The following PLCG1 variants were observed in gnomAD, a reference collection of about 807,000 sequenced individuals.
PLCG1 encodes 1-phosphatidylinositol 4,5-bisphosphate phosphodiesterase gamma-1.
PLCG1 carries 71 observed loss-of-function variants against 177.8 expected under a neutral mutation model. The observed-to-expected ratio is 0.40, with a 90% confidence interval of 0.33 to 0.49. The LOEUF (loss-of-function observed/expected upper bound fraction) is 0.49, where lower values mean the gene tolerates loss of function less well. PLCG1 is among the 20% of genes least tolerant of loss of function. The pLI, the probability that PLCG1 is intolerant of heterozygous loss-of-function variation, is 0.72. For synonymous variants in PLCG1, 658 were observed against 647.9 expected (o/e 1.02, Z -0.24); for missense variants, 1,281 against 1,709.0 (o/e 0.75, Z 4.42).
In PLCG1 at chr20:41,163,215, G is replaced by C; in HGVS notation, c.729G>C (p.Arg243=). 1 of 1,545,970 alleles carries C rather than the reference G, an allele frequency of 6.5e-7. No homozygotes were observed. The highest frequency in any genetic ancestry group is 8.7e-7 in the Non-Finnish European group (1 of 1,148,292). The change falls in exon 8 of 32, where the codon CGG becomes CGC. Residue 243 remains arginine (R), a synonymous_variant. Transcript: ENST00000685551. The surrounding 1 kb of genome is among the most constrained non-coding windows in gnomAD (Gnocchi z 5.2). Reference sequence around the variant, plus strand: ...TCTCTCCCTGCAGGGCTGGGGAGCGGCCGGAGCTTTGCCGAGTGTCCCTTC... The same window carrying C: ...TCTCTCCCTGCAGGGCTGGGGAGCGCCCGGAGCTTTGCCGAGTGTCCCTTC... ...LEASTLRAGE[R]PELCRVSLPE... is the part of the protein sequence containing the mutation.
chr20:41,153,845 G>A lies in PLCG1; in HGVS notation c.218-5761G>A, dbSNP rs35908783. Among the ~76,000 whole-genome samples the A allele has an allele frequency of 1.1e-3, 172 of 152,276 alleles. 1 individual carries two copies. The highest frequency in any genetic ancestry group is 1.9e-3 in the Non-Finnish European group (126 of 68,012). ...CCGGAGGCAGAGGTTGCAGTGAACC[G>A]AGATTGCACCACTGCACTCCAGCCT... On this transcript the variant is annotated intron_variant, in intron 1 of 31. Coordinates refer to ENST00000685551, the MANE Select transcript of PLCG1 (RefSeq NM_002660.3). This position sits in a 1 kb window ranked among gnomAD's most constrained non-coding sequence, Gnocchi z 5.1.
chr20:41,142,811 A>G (rs2034871233), intron 1 of PLCG1, among the ~76,000 whole-genome samples: 1 of 152,164 alleles, frequency 6.6e-6, no homozygotes, highest in Non-Finnish European at 1.5e-5. Context: ...TAGCACCTGT[A>G]TAAAGTGCTT....
Position 41,167,768 on chromosome 20 carries a change from AGG to A in PLCG1, c.2302-82_2302-81del, listed in dbSNP as rs908705082. ...GTGCAAGTTTGCTGCACTGGGGGAA[AGG>A]GAAGCTGCTCCAGAAACCAGTAGCT... On this transcript the variant is annotated intron_variant, in intron 19 of 31. Coordinates refer to ENST00000685551, the MANE Select transcript of PLCG1 (RefSeq NM_002660.3). The surrounding 1 kb of genome is among the most constrained non-coding windows in gnomAD (Gnocchi z 4.4). The A allele has an allele frequency of 4.1e-6, 4 of 966,596 alleles. No homozygotes were observed. In the African/African-American group the frequency reaches 6.4e-5, roughly 15 times the overall value. 59.9% of individuals were successfully genotyped at this position (966,596 alleles called of 1,614,324 possible).
chr20:41,150,681 A>G lies in PLCG1; in HGVS notation c.218-8925A>G, dbSNP rs34115001. On this transcript the variant is annotated intron_variant, in intron 1 of 31. Transcript: ENST00000685551. The surrounding 1 kb of genome is among the most constrained non-coding windows in gnomAD (Gnocchi z 4.0). Reference sequence around the variant, plus strand: ...GGCCATCTTCCCTCCCTTCTCATCCATGATACTCTGAATGCCCTGTTTGTG... The same window carrying G: ...GGCCATCTTCCCTCCCTTCTCATCCGTGATACTCTGAATGCCCTGTTTGTG... 0.013 allele frequency among the ~76,000 whole-genome samples: 1,943 copies of G among 152,186 alleles called. 22 individuals are homozygous for G. Among genetic ancestry groups the G allele is most frequent in the Non-Finnish European group, 0.02 (1,376 of 68,006 alleles).
rs1005710995 is a variant in PLCG1 at position 41,153,573 on chromosome 20, C to A, written c.218-6033C>A. On this transcript the variant is annotated intron_variant, in intron 1 of 31. Coordinates refer to ENST00000685551, the MANE Select transcript of PLCG1 (RefSeq NM_002660.3). The surrounding 1 kb of genome is among the most constrained non-coding windows in gnomAD (Gnocchi z 5.1). ...CTCAGCCTTCTAAAGTGAGCGTATG[C>A]ACTTTATAAAGGGAAAACCCTCTCT... Among the ~76,000 whole-genome samples, 2 of 152,230 alleles carry A rather than the reference C, an allele frequency of 1.3e-5. No individual in the cohort carries two copies. The highest frequency in any genetic ancestry group is 4.8e-5 in the African/African-American group (2 of 41,524).
intron 1 of PLCG1, among the ~76,000 whole-genome samples, chr20:41,152,689 G>A (rs2035202013): frequency 1.3e-5 from 2 of 152,246 alleles, no homozygotes; most frequent in Non-Finnish European, 2.9e-5. Flanking sequence ...CCCAGGCCCT[G>A]GGTTTGTGTT....
chr20:41,170,665 G>A (rs185633186), intron 24 of PLCG1: 6 of 172,176 alleles, frequency 3.5e-5, no homozygotes, highest in East Asian at 1.7e-4. Context: ...AGGCATGGGC[G>A]AGGAAAGGAG....
rs897639531 is a variant in PLCG1 at position 41,175,732 on chromosome 20, T to C, written c.*1223T>C. The C allele has an allele frequency of 1.3e-5, 2 of 152,674 alleles. No individual in the cohort carries two copies. Among genetic ancestry groups the C allele is most frequent in the Non-Finnish European group, 2.9e-5 (2 of 68,040 alleles). The allele number at this position is 152,674 out of a possible 1,614,324, so 9.5% of individuals were successfully genotyped here. ...CTCATGTCCTTTTTCCTTTGACTTG[T>C]ATGCTCTTTCGGGGGCTCAGGAAAG... On this transcript the variant is annotated 3_prime_UTR_variant, in exon 32 of 32. Transcript: ENST00000685551.
At chr20:41,162,255 T>TTC (rs397973255) in intron 4 of PLCG1, 197 bp from the exon 5 acceptor site, 1 of 265,004 alleles carries the variant, frequency 3.8e-6, no homozygotes, top group Non-Finnish European at 7.2e-6. Context: ...TTTTTTTTTT[T>TTC]GCTCAGATGA....
Position 41,169,438 on chromosome 20 carries a change from T to C in PLCG1, c.2581-19T>C. The C allele has an allele frequency of 6.2e-7, 1 of 1,600,864 alleles. No individual in the cohort carries two copies. The highest frequency in any genetic ancestry group is 8.6e-7 in the Non-Finnish European group (1 of 1,168,068). ...ATGCAGTAGCCATGCTGACCATTGG[T>C]GGGCTTTGCTTCCCACAGCACTTGG... On this transcript the variant is annotated intron_variant, in intron 22 of 31. Coordinates refer to ENST00000685551, the MANE Select transcript of PLCG1 (RefSeq NM_002660.3).
chr20:41,161,920 T>C lies in PLCG1; in HGVS notation c.513-532T>C, dbSNP rs377747145. On this transcript the variant is annotated intron_variant, in intron 4 of 31. Coordinates refer to ENST00000685551, the MANE Select transcript of PLCG1 (RefSeq NM_002660.3). ...CAGGAGGTGCCCAGTTGCCAGTCAT[T>C]GTATTTGGTGGAGCATGCACCTCCT... is the stretch of plus-strand genomic sequence containing the variant. Among the ~76,000 whole-genome samples the C allele has an allele frequency of 2.0e-5, 3 of 152,136 alleles. No individual in the cohort carries two copies. In the South Asian group the frequency reaches 6.2e-4, roughly 32 times the overall value.
At position 41,172,890 on chromosome 20, in the gene PLCG1, C is replaced by A; in HGVS notation, c.3279+13C>A. Reference sequence around the variant, plus strand: ...CATCTCTATTGAGGTGGGTGCTGCTCATCTGGGCTTCAGGGTAGGAAAGGG... The same window carrying A: ...CATCTCTATTGAGGTGGGTGCTGCTAATCTGGGCTTCAGGGTAGGAAAGGG... On this transcript the variant is annotated intron_variant, in intron 27 of 31. Coordinates refer to ENST00000685551, the MANE Select transcript of PLCG1 (RefSeq NM_002660.3). The surrounding 1 kb of genome is among the most constrained non-coding windows in gnomAD (Gnocchi z 7.0). 1 of 1,612,228 alleles carries A rather than the reference C, an allele frequency of 6.2e-7. No homozygotes were observed. The highest frequency in any genetic ancestry group is 8.5e-7 in the Non-Finnish European group (1 of 1,178,812).
chr20:41,137,875 C>T lies in PLCG1; in HGVS notation c.217+17C>T, dbSNP rs367553862. The T allele has an allele frequency of 3.3e-5, 41 of 1,249,076 alleles. No homozygotes were observed. The highest frequency in any genetic ancestry group is 4.1e-5 in the Non-Finnish European group (40 of 986,182). The allele number at this position is 1,249,076 out of a possible 1,614,324, so 77.4% of individuals were successfully genotyped here. On this transcript the variant is annotated intron_variant, in intron 1 of 31. Coordinates refer to ENST00000685551, the MANE Select transcript of PLCG1 (RefSeq NM_002660.3). This position sits in a 1 kb window ranked among gnomAD's most constrained non-coding sequence, Gnocchi z 7.3. ...AGGGGGCCAGTAAGTGCGCCCACTTCCTGCCTGGGCCCGCCCCGCGCGGGG... is the reference window on the plus strand; with the variant it reads ...AGGGGGCCAGTAAGTGCGCCCACTTTCTGCCTGGGCCCGCCCCGCGCGGGG...
At position 41,144,992 on chromosome 20, in the gene PLCG1, A is replaced by G. The variant is rs1388205052; in HGVS notation, c.217+7134A>G. On this transcript the variant is annotated intron_variant, in intron 1 of 31. Transcript: ENST00000685551. This position sits in a 1 kb window ranked among gnomAD's most constrained non-coding sequence, Gnocchi z 4.1. ...CAAGCACTGTGGAGACCAGTAGTGG[A>G]CATAAGGTTAGGGTAGATACAGCCA... Among the ~76,000 whole-genome samples, 4 of 152,174 alleles carry G rather than the reference A, an allele frequency of 2.6e-5. No homozygotes were observed. Among genetic ancestry groups the G allele is most frequent in the Non-Finnish European group, 4.4e-5 (3 of 68,030 alleles).
At chr20:41,139,456 G>T (rs1385968081) in intron 1 of PLCG1, among the ~76,000 whole-genome samples, 1 of 152,130 alleles carries the variant, frequency 6.6e-6, no homozygotes, top group Non-Finnish European at 1.5e-5. Flanking sequence ...TTTAAACCAC[G>T]CATATTAGCA....
In PLCG1 at chr20:41,151,647, T is replaced by C. The variant is rs2035170281; in HGVS notation, c.218-7959T>C. Among the ~76,000 whole-genome samples, 1 of 152,156 alleles carries C rather than the reference T, an allele frequency of 6.6e-6. No individual in the cohort carries two copies. Among genetic ancestry groups the C allele is most frequent in the Non-Finnish European group, 1.5e-5 (1 of 68,028 alleles). ...CTGAGAGGCAGGAGGAGGAATATTA[T>C]AGTCTCAGGAAGAGGGAGGAATGAG... On this transcript the variant is annotated intron_variant, in intron 1 of 31. Coordinates refer to ENST00000685551, the MANE Select transcript of PLCG1 (RefSeq NM_002660.3). This position sits in a 1 kb window ranked among gnomAD's most constrained non-coding sequence, Gnocchi z 5.5.
intron 6 of PLCG1, 94 bp from the exon 7 acceptor site, chr20:41,162,864 G>A: frequency 7.4e-7 from 1 of 1,353,492 alleles, no homozygotes; most frequent in Non-Finnish European, 1.1e-6. Flanking sequence ...CTTGAGGCCT[G>A]CCCCCATCTG....
chr20:41,155,511 G>A (rs2035292564), intron 1 of PLCG1, among the ~76,000 whole-genome samples: 1 of 152,194 alleles, frequency 6.6e-6, no homozygotes, highest in Non-Finnish European at 1.5e-5. Context: ...GCAGGCTCAG[G>A]AAGCAGCGTG....
rs199521004 is a variant in PLCG1 at position 41,162,536 on chromosome 20, G to A, written c.597G>A (p.Thr199=). The A allele has an allele frequency of 2.9e-5, 46 of 1,613,660 alleles. No individual in the cohort carries two copies. In the East Asian group the frequency reaches 7.6e-4, roughly 27 times the overall value. The change falls in exon 5 of 32, where the codon ACG becomes ACA. Residue 199 remains threonine, a splice_region_variant and synonymous_variant. Coordinates refer to ENST00000685551, the MANE Select transcript of PLCG1 (RefSeq NM_002660.3). ...PNMRFLRERL[T]DLEQRSGDIT... is the part of the protein sequence containing the mutation. ...TGCGCTTCCTCCGAGAGCGGCTGACGGTAAGTGCCACCCAGGGCTGTCTGT... is the reference window on the plus strand; with the variant it reads ...TGCGCTTCCTCCGAGAGCGGCTGACAGTAAGTGCCACCCAGGGCTGTCTGT...
Sources: allele counts gnomAD v4.1 joint callset (sites outside exome capture counted in the v4.1 genomes callset), GRCh38; gene constraint gnomAD v4.1.1; non-coding constraint Gnocchi (gnomAD v3.1); transcripts MANE v1.5; gene names NCBI Gene and HGNC (gene_info 2026-07-23, HGNC 2026-07-21).